PNN: variants seen among roughly 807,000 people sequenced by gnomAD.
PNN encodes pinin.
PNN carries 38 observed loss-of-function variants against 76.6 expected under a neutral mutation model. The ratio of observed to expected loss-of-function variants is 0.50; its 90% CI spans 0.38 to 0.65. PNN has a LOEUF of 0.65. Among genes scored for constraint, PNN ranks in the 30% least tolerant of loss-of-function variants. The pLI, the probability that PNN is intolerant of heterozygous loss-of-function variation, is 0.00. For synonymous variants in PNN, 366 were observed against 283.7 expected (o/e 1.29, Z -2.91); for missense variants, 873 against 874.1 (o/e 1.00, Z 0.02).
chr14:39,181,423 A>G lies in PNN; in HGVS notation c.1714A>G (p.Lys572Glu). ...SRGRARNKTSKSRSRSSSSSS... is the reference protein window; with the variant it reads ...SRGRARNKTSESRSRSSSSSS... ...AGGTCGAGCTAGAAATAAAACAAGC[A>G]AGAGTAGAAGTCGAAGCAGTAGCAG... Residue 572 changes from lysine to glutamate, a missense_variant, in exon 9 of 9, where the codon AAG becomes GAG. By Grantham distance (56) the Lys-to-Glu change is moderately conservative. This residue lies in a region of PNN where 712 missense variants were observed against 693.1 expected (regional missense o/e 1.03). Transcript: ENST00000216832. The G allele has an allele frequency of 6.2e-7, 1 of 1,614,224 alleles. No individual in the cohort carries two copies. The highest frequency in any genetic ancestry group is 2.2e-5 in the East Asian group (1 of 44,888).
rs192219353 is a variant in PNN at position 39,182,988 on chromosome 14, C to T, written c.*1125C>T. On this transcript the variant is annotated 3_prime_UTR_variant, in exon 9 of 9. Coordinates refer to ENST00000216832, the MANE Select transcript of PNN (RefSeq NM_002687.4). Reference sequence around the variant, plus strand: ...TGTATTAACTTTCTGATGCTTTATACAAGAGAGCACTTAAATTGCATCCTT... The same window carrying T: ...TGTATTAACTTTCTGATGCTTTATATAAGAGAGCACTTAAATTGCATCCTT... The T allele has an allele frequency of 7.4e-4, 113 of 152,742 alleles. 1 individual carries two copies. Among genetic ancestry groups the T allele is most frequent in the African/African-American group, 2.5e-3 (106 of 41,570 alleles). 9.5% of individuals were successfully genotyped at this position (152,742 alleles called of 1,614,324 possible).
chr14:39,179,509 A>G (rs756554169), intron 8 of PNN, 47 bp downstream of exon 8: 1 of 1,501,882 alleles, frequency 6.7e-7, no homozygotes, highest in East Asian at 2.3e-5. Context: ...TGGGTAAGGT[A>G]ATATGTTCAT....
Position 39,181,576 on chromosome 14 carries a change from A to G in PNN, c.1867A>G (p.Ser623Gly), listed in dbSNP as rs2053270243. 6.2e-7 allele frequency: 1 copy of G among 1,613,510 alleles called. No homozygotes were observed. The highest frequency in any genetic ancestry group is 2.2e-5 in the East Asian group (1 of 44,884). ...TGGCAGCAGCAGCAGAGATAGTAGCAGTAGCACTAGTAGTAGTAGTGAGAG... is the reference window on the plus strand; with the variant it reads ...TGGCAGCAGCAGCAGAGATAGTAGCGGTAGCACTAGTAGTAGTAGTGAGAG... Reference protein sequence around the residue: ...TSGSSSRDSSSSTSSSSESRS... With the variant: ...TSGSSSRDSSGSTSSSSESRS... Residue 623 changes from serine (S) to glycine (G), a missense_variant, in exon 9 of 9, where the codon AGT (serine) becomes GGT (glycine). Ser to Gly is a moderately conservative substitution (Grantham distance 56). This residue lies in a region of PNN where 712 missense variants were observed against 693.1 expected (regional missense o/e 1.03). Coordinates refer to ENST00000216832, the MANE Select transcript of PNN (RefSeq NM_002687.4).
chr14:39,181,184 C>G lies in PNN; in HGVS notation c.1475C>G (p.Pro492Arg). 3 of 1,608,550 alleles carry G rather than the reference C, an allele frequency of 1.9e-6. No homozygotes were observed. The highest frequency in any genetic ancestry group is 2.6e-6 in the Non-Finnish European group (3 of 1,174,924). ...CTTCAGCTTCAATCCCAGTCCCAAC[C>G]AGTACTCCAGTCCCAGCCTCCCTCT... The part of the protein sequence containing the change: ...PQLQLQSQSQ[P>R]VLQSQPPSQP... The change falls in exon 9 of 9, where the codon CCA (proline) becomes CGA (arginine). Residue 492 changes from proline to arginine, a missense_variant. This residue lies in a region of PNN where 712 missense variants were observed against 693.1 expected (regional missense o/e 1.03). Transcript: ENST00000216832.
At chr14:39,176,501 T>G in intron 2 of PNN, 26 bp from the exon 3 acceptor site, 2 of 1,538,038 alleles carry the variant, frequency 1.3e-6, no homozygotes, top group Non-Finnish European at 1.8e-6. Context: ...TTTCAAGTGT[T>G]TTATGTTGAA....
chr14:39,182,443 T>A lies in PNN; in HGVS notation c.*580T>A, dbSNP rs1214278978. On this transcript the variant is annotated 3_prime_UTR_variant, in exon 9 of 9. Transcript: ENST00000216832. ...GGGGAACAGTTCTCTTTAAAATCATTTGCTATTTTCTATTCTCCCTTGTTA... is the reference window on the plus strand; with the variant it reads ...GGGGAACAGTTCTCTTTAAAATCATATGCTATTTTCTATTCTCCCTTGTTA... 1 of 152,736 alleles carries A rather than the reference T, an allele frequency of 6.5e-6. No individual in the cohort carries two copies. Among genetic ancestry groups the A allele is most frequent in the Non-Finnish European group, 1.5e-5 (1 of 68,090 alleles). The allele number at this position is 152,736 out of a possible 1,614,324, so 9.5% of individuals were successfully genotyped here.
intron 8 of PNN, among the ~76,000 whole-genome samples, chr14:39,179,914 A>G (rs2053257501): frequency 6.6e-6 from 1 of 152,134 alleles, no homozygotes. Flanking sequence ...AAAAAAAAAA[A>G]AAGATACATT....
chr14:39,175,979 T>G (rs944365185), intron 1 of PNN, 99 bp from the exon 2 acceptor site: 2 of 683,098 alleles, frequency 2.9e-6, no homozygotes, highest in Admixed American at 2.7e-5. Flanking sequence ...TTGGAACTTT[T>G]GTGATTTTTT....
chr14:39,176,041 A>C (rs774079224), intron 1 of PNN, 37 bp from the exon 2 acceptor site: 1 of 1,142,708 alleles, frequency 8.8e-7, no homozygotes. Flanking sequence ...GTGTGTGTCT[A>C]CATATGATTT....
chr14:39,175,285 G>T lies in PNN; in HGVS notation c.6G>T (p.Ala2=), dbSNP rs757540963. 16 of 1,594,992 alleles carry T rather than the reference G, an allele frequency of 1.0e-5. No homozygotes were observed. In the East Asian group the frequency reaches 1.6e-4, roughly 16 times the overall value. ...AAGCCTGCCGCAGGGAGAAGATGGC[G>T]GTCGCCGTGAGAACTTTGCAGGAAC... M[A]VAVRTLQEQL... is the part of the protein sequence containing the mutation. The change falls in exon 1 of 9, where the codon GCG becomes GCT. Residue 2 remains alanine (A), a synonymous_variant. Coordinates refer to ENST00000216832, the MANE Select transcript of PNN (RefSeq NM_002687.4).
chr14:39,177,517 G>A (rs762154596), intron 4 of PNN, 33 bp downstream of exon 4: 2 of 1,592,542 alleles, frequency 1.3e-6, no homozygotes, highest in South Asian at 2.2e-5. Context: ...AATGAATGTA[G>A]TACCTTCACT....
At chr14:39,179,547 T>C (rs1346532411) in intron 8 of PNN, 85 bp downstream of exon 8, 6 of 1,149,022 alleles carry the variant, frequency 5.2e-6, no homozygotes, top group Non-Finnish European at 4.9e-6. Context: ...CTAAAATAAT[T>C]ATGATTCAGT....
rs776550732 is a variant in PNN at position 39,181,405 on chromosome 14, G to A, written c.1696G>A (p.Ala566Thr). The change falls in exon 9 of 9, where the codon GCT (alanine) becomes ACT (threonine). Residue 566 changes from alanine (A) to threonine (T), a missense_variant. By Grantham distance (58) the Ala-to-Thr change is moderately conservative. This residue lies in a region of PNN where 712 missense variants were observed against 693.1 expected (regional missense o/e 1.03). Transcript: ENST00000216832. ...TKTRSRSRGR[A>T]RNKTSKSRSR... ...AACTAGGAGCAGAAGTAGAGGTCGA[G>A]CTAGAAATAAAACAAGCAAGAGTAG... 1 of 1,614,214 alleles carries A rather than the reference G, an allele frequency of 6.2e-7. No homozygotes were observed. Among genetic ancestry groups the A allele is most frequent in the South Asian group, 1.1e-5 (1 of 91,090 alleles).
Position 39,179,246 on chromosome 14 carries a change from G to A in PNN, c.654G>A (p.Leu218=), listed in dbSNP as rs983446156. The A allele has an allele frequency of 2.5e-6, 4 of 1,611,158 alleles. No individual in the cohort carries two copies. In the African/African-American group the frequency reaches 5.4e-5, roughly 22 times the overall value. Residue 218 remains leucine, a splice_region_variant and synonymous_variant, in exon 7 of 9, where the codon CTG becomes CTA. Transcript: ENST00000216832. Reference sequence around the variant, plus strand: ...AACAGAAAGTTGAGCTTGCGCAGCTGGTGAGTGGTAATTTGGAATTCTAAG... The same window carrying A: ...AACAGAAAGTTGAGCTTGCGCAGCTAGTGAGTGGTAATTTGGAATTCTAAG... ...LLEQKVELAQ[L]QEEWNEHNAK...
At position 39,177,849 on chromosome 14, in the gene PNN, G is replaced by T; in HGVS notation, c.431G>T (p.Arg144Leu). The T allele has an allele frequency of 6.2e-7, 1 of 1,610,312 alleles. No homozygotes were observed. Among genetic ancestry groups the T allele is most frequent in the South Asian group, 1.1e-5 (1 of 90,788 alleles). The part of the protein sequence containing the change: ...MDEKGKQRNR[R>L]IFGLLMGTLQ... ...CTTATTCTGTTCTTTAGGAACCGGC[G>T]AATATTTGGCTTGTTGATGGGTACC... Residue 144 changes from arginine to leucine, a missense_variant, in exon 6 of 9, where the codon CGA becomes CTA. Coordinates refer to ENST00000216832, the MANE Select transcript of PNN (RefSeq NM_002687.4).
intron 3 of PNN, among the ~76,000 whole-genome samples, chr14:39,177,058 T>G (rs1457701494): frequency 6.6e-6 from 1 of 152,212 alleles, no homozygotes; most frequent in Non-Finnish European, 1.5e-5. Flanking sequence ...TTGCCCTTGG[T>G]GTGCAGTTAC....
At position 39,179,400 on chromosome 14, in the gene PNN, T is replaced by C; in HGVS notation, c.731T>C (p.Ile244Thr). ...RTKTKPHLFY[I>T]PGRMCPATQK... Reference sequence around the variant, plus strand: ...AAGACAAAGCCCCATTTGTTTTATATTCCTGGAAGAATGTGTCCAGCTACC... The same window carrying C: ...AAGACAAAGCCCCATTTGTTTTATACTCCTGGAAGAATGTGTCCAGCTACC... Residue 244 changes from isoleucine to threonine, a missense_variant, in exon 8 of 9, where the codon ATT becomes ACT. By Grantham distance (89) the Ile-to-Thr change is moderately conservative (BLOSUM62 -1). This residue lies in a region of PNN where 712 missense variants were observed against 693.1 expected (regional missense o/e 1.03). Coordinates refer to ENST00000216832, the MANE Select transcript of PNN (RefSeq NM_002687.4). The C allele has an allele frequency of 1.2e-6, 2 of 1,612,694 alleles. No homozygotes were observed. Among genetic ancestry groups the C allele is most frequent in the Non-Finnish European group, 1.7e-6 (2 of 1,178,830 alleles).
intron 2 of PNN, 171 bp downstream of exon 2, chr14:39,176,320 G>A (rs1483667683): frequency 9.5e-6 from 6 of 628,836 alleles, no homozygotes; most frequent in Non-Finnish European, 1.7e-5. Context: ...CTGAAAAACT[G>A]GAGGTTGAAG....
Position 39,179,425 on chromosome 14 carries a change from C to T in PNN, c.756C>T (p.Thr252=), listed in dbSNP as rs11558739. The T allele has an allele frequency of 0.13, 202,999 of 1,611,254 alleles. 13,404 individuals carry two copies. Among genetic ancestry groups the T allele is most frequent in the Admixed American group, 0.2 (11,779 of 59,644 alleles). The change falls in exon 8 of 9, where the codon ACC becomes ACT. Residue 252 remains threonine (T), a synonymous_variant. Transcript: ENST00000216832. ...TTCCTGGAAGAATGTGTCCAGCTAC[C>T]CAAAAACTAATAGAAGAGTCACAGA... is the stretch of plus-strand genomic sequence containing the variant. ...FYIPGRMCPA[T]QKLIEESQRK... is the part of the protein sequence containing the mutation.
Sources: allele counts gnomAD v4.1 joint callset (sites outside exome capture counted in the v4.1 genomes callset), GRCh38; gene constraint gnomAD v4.1.1; regional missense constraint gnomAD v4.1.1; transcripts MANE v1.5; gene names NCBI Gene and HGNC (gene_info 2026-07-23, HGNC 2026-07-21).